Variants in CDH13 observed in about 807,000 individuals in gnomAD.
The protein encoded by CDH13 is cadherin 13.
CDH13 carries 24 observed loss-of-function variants against 63.8 expected under a neutral mutation model. The ratio of observed to expected loss-of-function variants is 0.38; its 90% CI spans 0.27 to 0.53. The LOEUF (loss-of-function observed/expected upper bound fraction) is 0.53, where lower values mean the gene tolerates loss of function less well. Ranked by LOEUF, CDH13 falls within the 20% of genes least tolerant of loss-of-function variation. The pLI is 0.85. For missense variants in CDH13, 1,049 were observed against 903.1 expected, an observed-to-expected ratio of 1.16 and a Z score of -2.07; for synonymous variants, 503 against 355.3, an observed-to-expected ratio of 1.42 and a Z score of -4.67.
chr16:82,719,248 C>T (rs776019554), intron 1 of CDH13: 5 of 380,150 alleles, frequency 1.3e-5, no homozygotes, highest in Non-Finnish European at 2.7e-5. Context: ...CACATCACTG[C>T]CATTGGCCTG....
intron 7 of CDH13, among the ~76,000 whole-genome samples, chr16:83,530,765 A>T (rs574094720): frequency 0.022 from 3,330 of 152,304 alleles, 56 homozygotes; most frequent in Non-Finnish European, 0.033. Flanking sequence ...GTCCTGACAA[A>T]GAAGGACTAG....
intron 1 of CDH13, among the ~76,000 whole-genome samples, chr16:82,727,961 T>C (rs1390201196): frequency 6.6e-6 from 1 of 152,200 alleles, no homozygotes; most frequent in African/African-American, 2.4e-5. Context: ...TTCCCCTGAA[T>C]GAGAGAAAAG....
At chr16:83,092,931 G>T (rs4523914) in intron 3 of CDH13, among the ~76,000 whole-genome samples, 1 of 151,912 alleles carries the variant, frequency 6.6e-6, no homozygotes, top group African/African-American at 2.4e-5. Flanking sequence ...GTACTTTTGC[G>T]CAAGATTTGT....
intron 2 of CDH13, among the ~76,000 whole-genome samples, chr16:82,893,245 A>G (rs1395830983): frequency 1.3e-5 from 2 of 152,258 alleles, no homozygotes; most frequent in Admixed American, 6.5e-5. Context: ...TCACACAAAT[A>G]CATACACATA....
intron 3 of CDH13, among the ~76,000 whole-genome samples, chr16:83,044,624 T>C (rs566041291): frequency 6.6e-6 from 1 of 152,350 alleles, no homozygotes; most frequent in African/African-American, 2.4e-5. Context: ...TTTAAAACTA[T>C]AATTTACAAC....
chr16:83,231,833 G>A (rs571148127), intron 5 of CDH13, among the ~76,000 whole-genome samples: 32 of 152,230 alleles, frequency 2.1e-4, no homozygotes, highest in African/African-American at 7.5e-4. Flanking sequence ...CTGGAGGTGG[G>A]GCCTGGTGGG....
At chr16:83,005,464 C>A (rs1913390862) in intron 2 of CDH13, among the ~76,000 whole-genome samples, 1 of 152,184 alleles carries the variant, frequency 6.6e-6, no homozygotes, top group African/African-American at 2.4e-5. Flanking sequence ...GCCCCGCCCC[C>A]ACCACTGAGC....
intron 1 of CDH13, among the ~76,000 whole-genome samples, chr16:82,662,172 C>G (rs992452467): frequency 6.8e-6 from 1 of 146,298 alleles, no homozygotes; most frequent in Non-Finnish European, 1.5e-5. Context: ...AAAGGTCACC[C>G]TTGTGTATTG....
chr16:82,857,401 A>C (rs2039746200), intron 1 of CDH13, among the ~76,000 whole-genome samples: 1 of 152,198 alleles, frequency 6.6e-6, no homozygotes, highest in Admixed American at 6.5e-5. Flanking sequence ...GTAGGTGCTC[A>C]GTAGAACCAG....
intron 7 of CDH13, among the ~76,000 whole-genome samples, chr16:83,596,811 A>G (rs1907303665): frequency 6.6e-6 from 1 of 152,218 alleles, no homozygotes; most frequent in Non-Finnish European, 1.5e-5. Context: ...GGTTACTTTC[A>G]TTATCGGTTT....
At position 83,120,620 on chromosome 16, in the gene CDH13, A is replaced by T. The variant is rs374830290; in HGVS notation, c.367-4765A>T. Among the ~76,000 whole-genome samples, 5 of 152,242 alleles carry T rather than the reference A, an allele frequency of 3.3e-5. No individual in the cohort carries two copies. The East Asian group carries it at 9.6e-4, about 29-fold the overall frequency. On this transcript the variant is annotated intron_variant, in intron 3 of 13. Coordinates refer to ENST00000567109, the MANE Select transcript of CDH13 (RefSeq NM_001257.5). Reference sequence around the variant, plus strand: ...CCAGCTCTCATCTGAGGCTCAAGATATTTTTTTAATAATGAATGATATTCA... The same window carrying T: ...CCAGCTCTCATCTGAGGCTCAAGATTTTTTTTTAATAATGAATGATATTCA...
intron 5 of CDH13, among the ~76,000 whole-genome samples, chr16:83,257,333 C>G (rs952318651): frequency 6.6e-6 from 1 of 151,960 alleles, no homozygotes; most frequent in Non-Finnish European, 1.5e-5. Context: ...TTTTCTTTTA[C>G]TAAAAATAGA....
At chr16:83,134,079 A>G (rs763144303) in intron 4 of CDH13, among the ~76,000 whole-genome samples, 45 of 152,246 alleles carry the variant, frequency 3.0e-4, no homozygotes, top group Non-Finnish European at 4.6e-4. Flanking sequence ...AGACCATTAT[A>G]TGATCAGTCT....
chr16:83,553,158 A>AT (rs1276951205), intron 7 of CDH13, among the ~76,000 whole-genome samples: 2 of 152,136 alleles, frequency 1.3e-5, no homozygotes, highest in African/African-American at 2.4e-5. Flanking sequence ...TCAATGTAGC[A>AT]TTTTACGGTA....
chr16:83,608,856 C>T (rs1212550068), intron 8 of CDH13, among the ~76,000 whole-genome samples: 1 of 152,042 alleles, frequency 6.6e-6, no homozygotes, highest in East Asian at 1.9e-4. Context: ...CTGCCTAATA[C>T]AACCTCTAAT....
At chr16:82,820,730 A>G (rs1223450983) in intron 1 of CDH13, among the ~76,000 whole-genome samples, 2 of 152,084 alleles carry the variant, frequency 1.3e-5, no homozygotes, top group East Asian at 3.9e-4. Flanking sequence ...CACTATAACC[A>G]CCCTAAGGAT....
chr16:83,195,653 T>G (rs1018933300), intron 4 of CDH13, among the ~76,000 whole-genome samples: 26 of 151,888 alleles, frequency 1.7e-4, no homozygotes, highest in African/African-American at 5.8e-4. Context: ...CCTCCAACAT[T>G]GGGGATTACA....
chr16:82,779,859 G>GTA (rs75385602), intron 1 of CDH13, among the ~76,000 whole-genome samples: 42,301 of 151,882 alleles, frequency 0.28, 6,716 homozygotes, highest in South Asian at 0.45. Context: ...GGCTCTCATA[G>GTA]TATTTTGTCA....
At chr16:83,135,068 G>A (rs988320099) in intron 4 of CDH13, among the ~76,000 whole-genome samples, 2 of 152,134 alleles carry the variant, frequency 1.3e-5, no homozygotes, top group South Asian at 2.1e-4. Flanking sequence ...CAGGGTTGTT[G>A]AAGAATTTTC....
Sources: gnomAD v4.1 joint callset for allele counts (sites outside exome capture counted in the v4.1 genomes callset) on GRCh38, gnomAD v4.1.1 for gene constraint, MANE v1.5 for transcripts, NCBI Gene and HGNC (gene_info 2026-07-23, HGNC 2026-07-21) for gene names.